CAMK1D: variants seen among roughly 807,000 people sequenced by gnomAD.
CAMK1D encodes the protein calcium/calmodulin dependent protein kinase ID.
Under a neutral mutation model 47.7 loss-of-function variants are expected in CAMK1D, and 9 were observed. The observed-to-expected ratio is 0.19, with a 90% CI of 0.11 to 0.33. The LOEUF is 0.33. Among genes scored for constraint, CAMK1D ranks in the 10% least tolerant of loss-of-function variants. The pLI is 1.00. For synonymous variants in CAMK1D, 184 were observed against 184.9 expected, an observed-to-expected ratio of 0.99 and a Z score of 0.04; for missense variants, 291 against 488.7, an observed-to-expected ratio of 0.60 and a Z score of 3.81.
chr10:12,433,083 T>C (rs1832534952), intron 1 of CAMK1D, among the ~76,000 whole-genome samples: 1 of 152,136 alleles, frequency 6.6e-6, no homozygotes, highest in African/African-American at 2.4e-5. Flanking sequence ...TTACATAAGA[T>C]CCAGGGAAAG....
At chr10:12,370,599 T>C (rs1435796525) in intron 1 of CAMK1D, among the ~76,000 whole-genome samples, 3 of 152,042 alleles carry the variant, frequency 2.0e-5, no homozygotes, top group Non-Finnish European at 4.4e-5. Flanking sequence ...ACTACGCTAA[T>C]GTGTGTGTTT....
chr10:12,529,844 C>T (rs1467381358), intron 1 of CAMK1D, among the ~76,000 whole-genome samples: 2 of 152,174 alleles, frequency 1.3e-5, no homozygotes, highest in Non-Finnish European at 2.9e-5. Flanking sequence ...ATGAGCCTTT[C>T]AGGATGAATA....
intron 2 of CAMK1D, among the ~76,000 whole-genome samples, chr10:12,662,969 T>A (rs1840320240): frequency 6.6e-6 from 1 of 152,178 alleles, no homozygotes; most frequent in Non-Finnish European, 1.5e-5. Flanking sequence ...TTGTTTTCGT[T>A]TTTGTTTTTG....
At chr10:12,360,068 G>C (rs2131839286) in intron 1 of CAMK1D, among the ~76,000 whole-genome samples, 1 of 152,286 alleles carries the variant, frequency 6.6e-6, no homozygotes, top group Admixed American at 6.5e-5. Flanking sequence ...CCGGGATCTT[G>C]ATTTACTGGT....
chr10:12,385,001 G>T (rs923919451), intron 1 of CAMK1D, among the ~76,000 whole-genome samples: 1 of 152,182 alleles, frequency 6.6e-6, no homozygotes, highest in African/African-American at 2.4e-5. Flanking sequence ...TACATGAAAA[G>T]ATGCCCAACA....
rs905330151 is a variant in CAMK1D, at chr10:12,831,682, G to A, written c.*2795G>A. ...CAACAACATCGTGCGAGGAGACAGT[G>A]ACTGGTTTCAGCCCAAGAGTCAACT... On this transcript the variant is annotated 3_prime_UTR_variant, in exon 11 of 11. Transcript: ENST00000619168. 1 of 152,228 alleles carries A rather than the reference G, an allele frequency of 6.6e-6. No homozygotes were observed. The highest frequency in any genetic ancestry group is 6.5e-5 in the Admixed American group (1 of 15,278). 9.4% of individuals were successfully genotyped at this position (152,228 alleles called of 1,614,324 possible). A position where few individuals can be genotyped will look rare whatever the true frequency, so the allele number is the denominator to read the frequency against.
At chr10:12,614,470 G>T (rs1219689108) in intron 2 of CAMK1D, among the ~76,000 whole-genome samples, 2 of 152,138 alleles carry the variant, frequency 1.3e-5, no homozygotes, top group Middle Eastern at 3.2e-3. Flanking sequence ...TCCGCATATT[G>T]TAATAGCCAT....
intron 2 of CAMK1D, among the ~76,000 whole-genome samples, chr10:12,577,318 C>A (rs954104153): frequency 3.9e-5 from 6 of 152,306 alleles, no homozygotes; most frequent in African/African-American, 1.4e-4. Flanking sequence ...ATGCCTCCAG[C>A]CCTTTGGTGG....
intron 3 of CAMK1D, among the ~76,000 whole-genome samples, chr10:12,746,413 A>G (rs1835684328): frequency 6.6e-6 from 1 of 152,024 alleles, no homozygotes; most frequent in Non-Finnish European, 1.5e-5. Context: ...ACTTGAGGCT[A>G]ACACATTTTA....
At chr10:12,464,721 A>G (rs1833540071) in intron 1 of CAMK1D, among the ~76,000 whole-genome samples, 1 of 152,008 alleles carries the variant, frequency 6.6e-6, no homozygotes, top group Non-Finnish European at 1.5e-5. Context: ...AGGCTGAGGC[A>G]GGAGAATGGC....
intron 1 of CAMK1D, among the ~76,000 whole-genome samples, chr10:12,467,616 G>C (rs1367007905): frequency 6.6e-6 from 1 of 152,164 alleles, no homozygotes; most frequent in Non-Finnish European, 1.5e-5. Flanking sequence ...GTTATGCCAG[G>C]TCTACCTAGA....
chr10:12,567,800 G>A (rs1480523939), intron 2 of CAMK1D, among the ~76,000 whole-genome samples: 4 of 152,048 alleles, frequency 2.6e-5, no homozygotes, highest in African/African-American at 9.7e-5. Flanking sequence ...GTACAGCAAC[G>A]GGGTGGGCAG....
chr10:12,586,158 G>A (rs1236554906), intron 2 of CAMK1D, among the ~76,000 whole-genome samples: 2 of 152,094 alleles, frequency 1.3e-5, no homozygotes, highest in East Asian at 3.8e-4. Flanking sequence ...CACCAAACCT[G>A]GAGAAAGTCT....
At chr10:12,737,452 C>T (rs566442408) in intron 3 of CAMK1D, among the ~76,000 whole-genome samples, 2 of 152,302 alleles carry the variant, frequency 1.3e-5, no homozygotes, top group Admixed American at 6.5e-5. Flanking sequence ...GGCTGCACTG[C>T]CCAGTGACAC....
intron 1 of CAMK1D, among the ~76,000 whole-genome samples, chr10:12,405,496 TATTGA>T (rs1354855520): frequency 7.2e-5 from 11 of 152,212 alleles, no homozygotes; most frequent in Non-Finnish European, 1.6e-4. Flanking sequence ...ACTTTCTGTG[TATTGA>T]CTCAATGCCC....
chr10:12,456,966 T>C (rs1731836043), intron 1 of CAMK1D, among the ~76,000 whole-genome samples: 1 of 152,150 alleles, frequency 6.6e-6, no homozygotes, highest in Non-Finnish European at 1.5e-5. Flanking sequence ...CTCACAATTA[T>C]CATTGAAGCT....
At chr10:12,727,825 G>C (rs1317188829) in intron 3 of CAMK1D, among the ~76,000 whole-genome samples, 1 of 150,620 alleles carries the variant, frequency 6.6e-6, no homozygotes, top group African/African-American at 2.4e-5. Flanking sequence ...GTACAGGGGC[G>C]CGCGATCTCA....
At chr10:12,441,506 A>G (rs1414297903) in intron 1 of CAMK1D, among the ~76,000 whole-genome samples, 2 of 141,842 alleles carry the variant, frequency 1.4e-5, no homozygotes, top group African/African-American at 2.7e-5. Flanking sequence ...CTTTAAATAA[A>G]TTTTTAATGT....
chr10:12,450,895 C>T (rs45572037), intron 1 of CAMK1D, among the ~76,000 whole-genome samples: 3,474 of 152,300 alleles, frequency 0.023, 63 homozygotes, highest in Middle Eastern at 0.034. Context: ...TGGCGGCTAT[C>T]AGGTGCTGCT....
Sources: gnomAD v4.1 joint callset for allele counts (sites outside exome capture counted in the v4.1 genomes callset) on GRCh38, gnomAD v4.1.1 for gene constraint, MANE v1.5 for transcripts, NCBI Gene and HGNC (gene_info 2026-07-23, HGNC 2026-07-21) for gene names.